The following SPATA6L variants were observed in gnomAD, a reference collection of about 807,000 sequenced individuals.
SPATA6L encodes the protein spermatogenesis associated 6-like protein.
Under a neutral mutation model 49.2 loss-of-function variants are expected in SPATA6L, and 68 were observed. The ratio of observed to expected loss-of-function variants is 1.38; its 90% CI spans 1.14 to 1.69. The LOEUF is 1.69. Ranked by LOEUF, SPATA6L falls within the 40% of genes most tolerant of loss-of-function variation. The probability of loss-of-function intolerance (pLI) is 0.00; values close to 1 mark genes in which losing one functional copy is unlikely to be tolerated. For synonymous variants in SPATA6L, 198 were observed against 165.7 expected, an observed-to-expected ratio of 1.19 and a Z score of -1.50; for missense variants, 668 against 464.3, an observed-to-expected ratio of 1.44 and a Z score of -4.03.
At chr9:4,634,592 G>C (rs1197629479) in intron 4 of SPATA6L, among the ~76,000 whole-genome samples, 1 of 152,124 alleles carries the variant, frequency 6.6e-6, no homozygotes, top group East Asian at 1.9e-4. Context: ...GGCAATACGA[G>C]AAACGCTGAG....
chr9:4,660,527 A>G (rs1008370468), intron 2 of SPATA6L, among the ~76,000 whole-genome samples: 18 of 152,176 alleles, frequency 1.2e-4, no homozygotes, highest in Admixed American at 4.6e-4. Flanking sequence ...AAAGTCAGGA[A>G]ACAACAGGTG....
intron 2 of SPATA6L, among the ~76,000 whole-genome samples, chr9:4,660,409 C>T (rs1470403367): frequency 2.0e-5 from 3 of 152,236 alleles, no homozygotes; most frequent in Non-Finnish European, 2.9e-5. Flanking sequence ...GACATTTACA[C>T]AGCCAACAGA....
intron 3 of SPATA6L, among the ~76,000 whole-genome samples, chr9:4,635,991 T>C (rs1422165672): frequency 6.6e-6 from 1 of 152,240 alleles, no homozygotes; most frequent in Non-Finnish European, 1.5e-5. Flanking sequence ...CCAGTGACTT[T>C]CTAATATTCT....
chr9:4,610,265 A>C (rs1005686561), intron 9 of SPATA6L, among the ~76,000 whole-genome samples: 1 of 149,314 alleles, frequency 6.7e-6, no homozygotes, highest in Non-Finnish European at 1.5e-5. Context: ...CAAGCTACCA[A>C]TGACTTTCTT....
At chr9:4,629,203 C>T in intron 4 of SPATA6L, 35 bp from the exon 5 acceptor site, 2 of 1,455,336 alleles carry the variant, frequency 1.4e-6, no homozygotes, top group Middle Eastern at 3.5e-4. Flanking sequence ...AATAAAATTA[C>T]TAGAAACAGT....
intron 3 of SPATA6L, among the ~76,000 whole-genome samples, chr9:4,652,725 C>T (rs1289856579): frequency 6.6e-6 from 1 of 151,420 alleles, no homozygotes; most frequent in Non-Finnish European, 1.5e-5. Flanking sequence ...CCTGTAATCC[C>T]AGCTACTTGG....
intron 3 of SPATA6L, among the ~76,000 whole-genome samples, chr9:4,635,928 G>A (rs763011415): frequency 3.8e-4 from 58 of 152,116 alleles, no homozygotes; most frequent in Non-Finnish European, 6.3e-4. Context: ...GAGGTGTGAG[G>A]GAGTTCTGCA....
intron 8 of SPATA6L, among the ~76,000 whole-genome samples, 190 bp from the exon 9 acceptor site, chr9:4,618,300 T>C (rs1388259683): frequency 2.0e-5 from 3 of 151,982 alleles, no homozygotes; most frequent in Non-Finnish European, 4.4e-5. Context: ...GAGTTCAGAC[T>C]GATAAAAATA....
chr9:4,659,232 A>G (rs1346974799), intron 2 of SPATA6L, among the ~76,000 whole-genome samples: 1 of 152,212 alleles, frequency 6.6e-6, no homozygotes, highest in Non-Finnish European at 1.5e-5. Flanking sequence ...GCCCTTCAGA[A>G]AATTGATCTT....
chr9:4,617,963 T>G lies in SPATA6L; in HGVS notation c.955A>C (p.Thr319Pro), dbSNP rs757502549. ...KASFATYQHS[T>P]SPGPLDQPLL... ...GGCTGATCCAAGGGGCCAGGAGAGG[T>G]GGAATGCTGGTAGGTGGCAAATGAA... The change falls in exon 9 of 12, where the codon ACC becomes CCC. Residue 319 changes from threonine (T) to proline (P), a missense_variant. Coordinates refer to ENST00000682582, the MANE Select transcript of SPATA6L (RefSeq NM_001353486.2). 3 of 1,613,744 alleles carry G rather than the reference T, an allele frequency of 1.9e-6. No individual in the cohort carries two copies. Among genetic ancestry groups the G allele is most frequent in the Non-Finnish European group, 2.5e-6 (3 of 1,179,900 alleles).
At position 4,600,493 on chromosome 9, in the gene SPATA6L, C is replaced by CAGAGAG. The variant is rs912130041; in HGVS notation, c.*312_*317dup. 0.09 allele frequency: 12,057 copies of CAGAGAG among 133,668 alleles called. 1,098 individuals are homozygous for CAGAGAG. Among genetic ancestry groups the CAGAGAG allele is most frequent in the African/African-American group, 0.22 (8,204 of 37,752 alleles). The allele number at this position is 133,668 out of a possible 1,614,324, so 8.3% of individuals were successfully genotyped here. Reference sequence around the variant, plus strand: ...AGAGACAGAGAGAGCCAGAGAGAGCCAGAGAGAGAGAGAGGGGAAGTGTTC... The same window carrying CAGAGAG: ...AGAGACAGAGAGAGCCAGAGAGAGCCAGAGAGAGAGAGAGAGAGAGGGGAAGTGTTC... On this transcript the variant is annotated 3_prime_UTR_variant, in exon 12 of 12. Transcript: ENST00000682582.
At chr9:4,639,933 T>G (rs920985770) in intron 3 of SPATA6L, among the ~76,000 whole-genome samples, 46 of 152,240 alleles carry the variant, frequency 3.0e-4, no homozygotes, top group African/African-American at 1.1e-3. Context: ...GCCACACGGC[T>G]AGTGATACCA....
intron 3 of SPATA6L, chr9:4,646,300 T>C: frequency 2.6e-6 from 1 of 391,758 alleles, no homozygotes; most frequent in East Asian, 3.8e-5. Context: ...ATAAAGTTAT[T>C]ATTCTGAAAA....
chr9:4,663,025 G>C, intron 1 of SPATA6L: 1 of 1,613,776 alleles, frequency 6.2e-7, no homozygotes, highest in Non-Finnish European at 8.5e-7. Context: ...CATGCCACAA[G>C]GGCCGCCCTG....
At chr9:4,629,869 T>C (rs1267979477) in intron 4 of SPATA6L, among the ~76,000 whole-genome samples, 2 of 150,216 alleles carry the variant, frequency 1.3e-5, no homozygotes, top group African/African-American at 2.5e-5. Flanking sequence ...GTTTTACAGA[T>C]GATAAAACTG....
chr9:4,646,383 T>C (rs1835378726), intron 3 of SPATA6L: 2 of 669,176 alleles, frequency 3.0e-6, no homozygotes, highest in Non-Finnish European at 4.8e-6. Context: ...AAGTTGTATG[T>C]TATTTTCAAA....
intron 1 of SPATA6L, chr9:4,663,001 C>G (rs1475610998): frequency 1.9e-6 from 3 of 1,613,324 alleles, no homozygotes; most frequent in Non-Finnish European, 2.5e-6. Context: ...GACAAGTACT[C>G]CTTCCCCTCG....
intron 3 of SPATA6L, among the ~76,000 whole-genome samples, chr9:4,639,701 G>C (rs190490050): frequency 6.6e-6 from 1 of 152,308 alleles, no homozygotes; most frequent in African/African-American, 2.4e-5. Context: ...TAATTACACA[G>C]ACAGTGACAT....
At chr9:4,632,034 C>CTTTTTTTTT (rs905629115) in intron 4 of SPATA6L, among the ~76,000 whole-genome samples, 1 of 113,020 alleles carries the variant, frequency 8.8e-6, no homozygotes, top group Non-Finnish European at 1.7e-5. Flanking sequence ...ACATCAGCTA[C>CTTTTTTTTT]TTTTTTTTTT....
Sources: gnomAD v4.1 joint callset for allele counts (sites outside exome capture counted in the v4.1 genomes callset) on GRCh38, gnomAD v4.1.1 for gene constraint, MANE v1.5 for transcripts, NCBI Gene and HGNC (gene_info 2026-07-23, HGNC 2026-07-21) for gene names.